The following HDAC4 variants were observed in gnomAD, a reference collection of about 807,000 sequenced individuals.
HDAC4 encodes the protein histone deacetylase A.
A neutral mutation model predicts 135.1 loss-of-function variants in HDAC4; 16 were observed. The observed-to-expected ratio is 0.12, with a 90% CI of 0.08 to 0.18. The LOEUF is 0.18. Ranked by LOEUF, HDAC4 falls within the 10% of genes least tolerant of loss-of-function variation. The pLI, the probability that HDAC4 is intolerant of heterozygous loss-of-function variation, is 1.00. For missense variants in HDAC4, 1,143 were observed against 1,511.8 expected, an observed-to-expected ratio of 0.76 and a Z score of 4.05; for synonymous variants, 685 against 653.4, an observed-to-expected ratio of 1.05 and a Z score of -0.74.
chr2:239,266,747 G>GGCTT (rs1377857042), intron 2 of HDAC4, among the ~76,000 whole-genome samples: 295 of 152,242 alleles, frequency 1.9e-3, no homozygotes, highest in African/African-American at 6.7e-3. Context: ...TAGCCCAAAG[G>GGCTT]GGACTGTGAG....
rs2033802923 is a variant in HDAC4, at chr2:239,068,415, A to G, written c.2869+74T>C. On this transcript the variant is annotated intron_variant, in intron 23 of 26. Coordinates refer to ENST00000543185, the MANE Select transcript of HDAC4 (RefSeq NM_001378414.1). This position sits in a 1 kb window ranked among gnomAD's most constrained non-coding sequence, Gnocchi z 4.4. ...TCCTTATCTCGTTATTAAAAAGGGG[A>G]CCTGACACGCGGAACACAGCGGATC... is the stretch of plus-strand genomic sequence containing the variant. 1 of 1,056,912 alleles carries G rather than the reference A, an allele frequency of 9.5e-7. No individual in the cohort carries two copies. Among genetic ancestry groups the G allele is most frequent in the Non-Finnish European group, 1.5e-6 (1 of 674,318 alleles). The allele number at this position is 1,056,912 out of a possible 1,614,324, so 65.5% of individuals were successfully genotyped here.
rs924005231 is a variant in HDAC4, at chr2:239,226,086, G to C, written c.94+10507C>G. On this transcript the variant is annotated intron_variant, in intron 3 of 26. Transcript: ENST00000543185. ...CTCGTCCTGGCGGCACAGGCTTCCA[G>C]ATGCCACTGAGGGGCTCCGCAGGCC... 2.6e-5 allele frequency among the ~76,000 whole-genome samples: 4 copies of C among 152,170 alleles called. No homozygotes were observed. In the East Asian group the frequency reaches 7.7e-4, roughly 29 times the overall value.
intron 3 of HDAC4, among the ~76,000 whole-genome samples, chr2:239,207,913 TAC>T (rs1324195223): frequency 2.6e-5 from 4 of 152,086 alleles, no homozygotes. Context: ...ACAGAAAAAT[TAC>T]AGTCTTGGTC....
Position 239,134,381 on chromosome 2 carries a change from G to A in HDAC4, c.1158C>T (p.Ser386=), listed in dbSNP as rs754994527. 7 of 1,613,998 alleles carry A rather than the reference G, an allele frequency of 4.3e-6. No individual in the cohort carries two copies. The highest frequency in any genetic ancestry group is 5.9e-6 in the Non-Finnish European group (7 of 1,179,994). ...LTLPALQQRL[S]LFPGTHLTPY... is the part of the protein sequence containing the mutation. ...GAGTGAGGTGGGTGCCGGGGAAAAGGGAGAGCCTCTGCTGGAGGGCGGGAA... is the reference window on the plus strand; with the variant it reads ...GAGTGAGGTGGGTGCCGGGGAAAAGAGAGAGCCTCTGCTGGAGGGCGGGAA... Residue 386 remains serine, a synonymous_variant, in exon 11 of 27, where the codon TCC becomes TCT. Transcript: ENST00000543185.
chr2:239,053,859 A>G (rs2031315109), intron 25 of HDAC4, among the ~76,000 whole-genome samples: 2 of 152,114 alleles, frequency 1.3e-5, no homozygotes, highest in Non-Finnish European at 2.9e-5. Flanking sequence ...AGGACTGCAG[A>G]GGGAGGCTCC....
chr2:239,310,061 T>G (rs1227066045), intron 2 of HDAC4, among the ~76,000 whole-genome samples: 3 of 152,166 alleles, frequency 2.0e-5, no homozygotes, highest in Admixed American at 2.0e-4. Flanking sequence ...GGGAACCCAC[T>G]AAGGGGCTCT....
At chr2:239,364,510 T>C (rs1220499209) in intron 1 of HDAC4, among the ~76,000 whole-genome samples, 2 of 152,256 alleles carry the variant, frequency 1.3e-5, no homozygotes, top group African/African-American at 4.8e-5. Flanking sequence ...TCCAGACAGG[T>C]TCCCCTGGGA....
rs778670455 is a variant in HDAC4, at chr2:239,309,216, C to T, written c.22+43462G>A. On this transcript the variant is annotated intron_variant, in intron 2 of 26. Transcript: ENST00000543185. The surrounding 1 kb of genome is among the most constrained non-coding windows in gnomAD (Gnocchi z 4.2). ...CGGCCTCGCTGGGGAAGAATTCAGC[C>T]GCTCCACCCTGACATCTGGTTTCTA... 3.3e-5 allele frequency: 5 copies of T among 152,082 alleles called. No homozygotes were observed. Among genetic ancestry groups the T allele is most frequent in the East Asian group, 1.9e-4 (1 of 5,156 alleles). 9.4% of individuals were successfully genotyped at this position (152,082 alleles called of 1,614,324 possible). A position where few individuals can be genotyped will look rare whatever the true frequency, so the allele number is the denominator to read the frequency against.
At chr2:239,377,567 G>A (rs1241562062) in intron 1 of HDAC4, among the ~76,000 whole-genome samples, 2 of 152,208 alleles carry the variant, frequency 1.3e-5, no homozygotes, top group African/African-American at 2.4e-5. Context: ...CTTCCCCAAA[G>A]GGACCTATGA....
At chr2:239,178,888 G>A (rs1250689159) in intron 4 of HDAC4, among the ~76,000 whole-genome samples, 1 of 152,216 alleles carries the variant, frequency 6.6e-6, no homozygotes, top group African/African-American at 2.4e-5. Flanking sequence ...TGAGGCTCAG[G>A]CCAGGGAAAG....
At chr2:239,117,138 C>T (rs143655408) in intron 12 of HDAC4, among the ~76,000 whole-genome samples, 44 of 152,290 alleles carry the variant, frequency 2.9e-4, no homozygotes, top group African/African-American at 9.1e-4. Context: ...GTATGGCTGA[C>T]CTCAATGCGC....
intron 2 of HDAC4, chr2:239,298,017 G>T: frequency 2.5e-6 from 1 of 400,754 alleles, no homozygotes; most frequent in Non-Finnish European, 4.9e-6. Context: ...GAGATGAGAA[G>T]ACACCAAAAA....
chr2:239,108,978 A>G (rs1390660454), intron 14 of HDAC4, among the ~76,000 whole-genome samples: 1 of 152,230 alleles, frequency 6.6e-6, no homozygotes, highest in Non-Finnish European at 1.5e-5. Flanking sequence ...ACCCTGTCTC[A>G]GTCAGCATAC....
At chr2:239,143,518 T>G (rs369181954) in intron 8 of HDAC4, among the ~76,000 whole-genome samples, 1 of 152,216 alleles carries the variant, frequency 6.6e-6, no homozygotes, top group African/African-American at 2.4e-5. Context: ...ATGACACATA[T>G]GGAGTTCCCC....
At chr2:239,156,978 C>T (rs2042463575) in intron 6 of HDAC4, among the ~76,000 whole-genome samples, 1 of 152,322 alleles carries the variant, frequency 6.6e-6, no homozygotes, top group East Asian at 1.9e-4. Flanking sequence ...TGCCCACATC[C>T]TCCTCTGCGG....
intron 20 of HDAC4, among the ~76,000 whole-genome samples, chr2:239,083,868 C>T (rs2035595586): frequency 6.6e-6 from 1 of 152,250 alleles, no homozygotes; most frequent in African/African-American, 2.4e-5. Flanking sequence ...TCCTCCCCAA[C>T]ACCTGTCTTC....
chr2:239,202,881 G>A (rs1341817566), intron 3 of HDAC4, among the ~76,000 whole-genome samples: 1 of 152,344 alleles, frequency 6.6e-6, no homozygotes. Context: ...GGCATGTCCT[G>A]TTAGTTGAGC....
intron 4 of HDAC4, among the ~76,000 whole-genome samples, chr2:239,185,930 T>C (rs2044522695): frequency 6.6e-6 from 1 of 151,756 alleles, no homozygotes; most frequent in Admixed American, 6.6e-5. Context: ...GCCACTCAGG[T>C]GGCTGAGGCA....
At chr2:239,199,107 GC>G (rs1575384799) in intron 3 of HDAC4, among the ~76,000 whole-genome samples, 1 of 29,186 alleles carries the variant, frequency 3.4e-5, no homozygotes, top group African/African-American at 1.3e-4. Context: ...CCTGCTTCCT[GC>G]CCCCCACCAC....
Sources: allele counts gnomAD v4.1 joint callset (sites outside exome capture counted in the v4.1 genomes callset), GRCh38; gene constraint gnomAD v4.1.1; non-coding constraint Gnocchi (gnomAD v3.1); transcripts MANE v1.5; gene names NCBI Gene and HGNC (gene_info 2026-07-23, HGNC 2026-07-21).